Variants in MRPS7 observed in about 807,000 individuals in gnomAD.
The protein encoded by MRPS7 is small ribosomal subunit protein uS7m.
MRPS7 carries 13 observed loss-of-function variants against 26.2 expected under a neutral mutation model. The observed-to-expected ratio is 0.50, with a 90% CI of 0.32 to 0.79. The LOEUF is 0.79. MRPS7 is among the 30% of genes least tolerant of loss of function. MRPS7 has a pLI of 0.03. For synonymous variants in MRPS7, 129 were observed against 113.3 expected (o/e 1.14, Z -0.88); for missense variants, 318 against 312.2 (o/e 1.02, Z -0.14).
rs772064367 is a variant in MRPS7 at position 75,261,943 on chromosome 17, C to T, written c.43C>T (p.Leu15=). 2 of 1,608,630 alleles carry T rather than the reference C, an allele frequency of 1.2e-6. No homozygotes were observed. The highest frequency in any genetic ancestry group is 1.7e-6 in the Non-Finnish European group (2 of 1,179,884). The change falls in exon 1 of 5, where the codon CTG becomes TTG. Residue 15 remains leucine (L), a synonymous_variant. Transcript: ENST00000245539. The part of the protein sequence containing the change: ...AVKVARGWSG[L]ALGVRRAVLQ... ...GAAGGTTGCCCGAGGATGGTCGGGC[C>T]TGGCGTTGGGCGTGCGGCGGGCTGT...
In MRPS7 at chr17:75,262,632, C is replaced by T; in HGVS notation, c.219C>T (p.Leu73=). The change falls in exon 2 of 5, where the codon CTC becomes CTT. Residue 73 remains leucine, a synonymous_variant. Transcript: ENST00000245539. ...TTCGGGAGCTCAAGAAGACTCAGCT[C>T]ATCAAAGCTGCTCCAGCAGGGAAAA... ...KYVRELKKTQ[L]IKAAPAGKTS... 6.2e-7 allele frequency: 1 copy of T among 1,614,136 alleles called. No homozygotes were observed. The highest frequency in any genetic ancestry group is 8.5e-7 in the Non-Finnish European group (1 of 1,180,034).
At position 75,262,596 on chromosome 17, in the gene MRPS7, G is replaced by A. The variant is rs1430066399; in HGVS notation, c.183G>A (p.Glu61=). The change falls in exon 2 of 5, where the codon GAG becomes GAA. Residue 61 remains glutamate, a synonymous_variant. Coordinates refer to ENST00000245539, the MANE Select transcript of MRPS7 (RefSeq NM_015971.4). ...AGCCAGTGGAGGAGCTAACTGAGGA[G>A]GAGAAATATGTTCGGGAGCTCAAGA... The part of the protein sequence containing the change: ...YRKPVEELTE[E]EKYVRELKKT... 1.9e-6 allele frequency: 3 copies of A among 1,614,020 alleles called. No homozygotes were observed. Among genetic ancestry groups the A allele is most frequent in the African/African-American group, 1.3e-5 (1 of 74,932 alleles).
At chr17:75,262,346 A>G (rs761087734) in intron 1 of MRPS7, 151 bp from the exon 2 acceptor site, 2 of 845,224 alleles carry the variant, frequency 2.4e-6, no homozygotes, top group Non-Finnish European at 3.8e-6. Flanking sequence ...TACTTGGGAC[A>G]AGGGCCTGAA....
At chr17:75,263,545 A>G (rs772262920) in intron 4 of MRPS7, 38 bp downstream of exon 4, 2 of 1,611,682 alleles carry the variant, frequency 1.2e-6, no homozygotes, top group Non-Finnish European at 8.5e-7. Context: ...AGGGCCCTCC[A>G]CATGTGAAAC....
chr17:75,266,148 G>C lies in MRPS7; in HGVS notation c.*225G>C. On this transcript the variant is annotated 3_prime_UTR_variant, in exon 5 of 5. Coordinates refer to ENST00000245539, the MANE Select transcript of MRPS7 (RefSeq NM_015971.4). ...TTGTAAAGAGGGAGCACATTGACTT[G>C]GGAATTTCCTCCAGGAAACTCAGGG... The C allele has an allele frequency of 3.5e-6, 2 of 567,188 alleles. No homozygotes were observed. Among genetic ancestry groups the C allele is most frequent in the South Asian group, 2.1e-5 (1 of 47,518 alleles). 35.1% of individuals were successfully genotyped at this position (567,188 alleles called of 1,614,324 possible).
rs752232648 is a variant in MRPS7, at chr17:75,263,392, C to G, written c.392C>G (p.Ala131Gly). The G allele has an allele frequency of 9.3e-6, 15 of 1,613,992 alleles. No homozygotes were observed. The Admixed American group carries it at 1.0e-4, about 11-fold the overall frequency. The change falls in exon 4 of 5, where the codon GCA (alanine) becomes GGA (glycine). Residue 131 changes from alanine to glycine, a missense_variant. By Grantham distance (60) the Ala-to-Gly change is moderately conservative. Transcript: ENST00000245539. Reference protein sequence around the residue: ...KQFEKYHAASAEEQATIERNP... With the variant: ...KQFEKYHAASGEEQATIERNP... ...TTTGAGAAGTACCATGCCGCTTCTG[C>G]AGAGGAACAGGCAACCATCGAACGC...
intron 4 of MRPS7, chr17:75,264,239 A>G (rs2077452231): frequency 6.6e-6 from 1 of 152,076 alleles, no homozygotes; most frequent in South Asian, 2.1e-4. Context: ...TAGCGTAAAA[A>G]TTATAGGCAG....
chr17:75,262,803 G>A lies in MRPS7; in HGVS notation c.276-1G>A. ...TAAACGTGTTGCTTTTCTCTTTGAAGTAAATTCACCAACATGATGATGATA... is the reference window on the plus strand; with the variant it reads ...TAAACGTGTTGCTTTTCTCTTTGAAATAAATTCACCAACATGATGATGATA... On this transcript the variant is annotated splice_acceptor_variant, in intron 2 of 4. Transcript: ENST00000245539. LOFTEE classifies it high-confidence loss of function. 1 of 1,614,164 alleles carries A rather than the reference G, an allele frequency of 6.2e-7. No individual in the cohort carries two copies. The highest frequency in any genetic ancestry group is 1.3e-5 in the African/African-American group (1 of 75,034).
intron 3 of MRPS7, 47 bp downstream of exon 3, chr17:75,262,914 C>T (rs922780063): frequency 3.2e-6 from 5 of 1,572,664 alleles, no homozygotes; most frequent in Non-Finnish European, 3.5e-6. Flanking sequence ...CCCCCTACCC[C>T]GTAGCCTTGT....
intron 4 of MRPS7, among the ~76,000 whole-genome samples, chr17:75,264,855 T>C (rs945537156): frequency 2.0e-5 from 3 of 149,288 alleles, no homozygotes; most frequent in African/African-American, 7.4e-5. Flanking sequence ...GCCCAGCTAA[T>C]TTTTTTGTAT....
chr17:75,262,192 C>A, intron 1 of MRPS7: 1 of 683,864 alleles, frequency 1.5e-6, no homozygotes, highest in Non-Finnish European at 2.4e-6. Flanking sequence ...GGTTCTAACG[C>A]GGAGCTGAAA....
At chr17:75,262,289 A>T (rs779742131) in intron 1 of MRPS7, 1 of 667,396 alleles carries the variant, frequency 1.5e-6, no homozygotes. Context: ...TACCGTTAGC[A>T]CTTGACCAGG....
chr17:75,262,181 G>A, intron 1 of MRPS7, 198 bp downstream of exon 1: 1 of 697,826 alleles, frequency 1.4e-6, no homozygotes, highest in Admixed American at 2.9e-5. Context: ...GGCTGATCTA[G>A]GGTTCTAACG....
At chr17:75,263,118 C>T in intron 3 of MRPS7, 1 of 630,228 alleles carries the variant, frequency 1.6e-6, no homozygotes, top group South Asian at 2.1e-5. Flanking sequence ...CCATTCCCCA[C>T]CTCACCCCCC....
At position 75,262,513 on chromosome 17, in the gene MRPS7, T is replaced by C. The variant is rs1183158987; in HGVS notation, c.100T>C (p.Trp34Arg). ...CCCTCCCAGGCTAACTCAGGTGAGA[T>C]GGAGCCGCTATAGTCCTGAATTCAA... is the stretch of plus-strand genomic sequence containing the variant. ...LQLPGLTQVR[W>R]SRYSPEFKDP... The change falls in exon 2 of 5, where the codon TGG (tryptophan) becomes CGG (arginine). Residue 34 changes from tryptophan (W) to arginine (R), a missense_variant. Physicochemically the swap from Trp to Arg is moderately radical, Grantham distance 101 (BLOSUM62 -3). Transcript: ENST00000245539. 1 of 1,613,942 alleles carries C rather than the reference T, an allele frequency of 6.2e-7. No individual in the cohort carries two copies. Among genetic ancestry groups the C allele is most frequent in the African/African-American group, 1.3e-5 (1 of 74,942 alleles).
At chr17:75,264,772 C>T (rs1239872432) in intron 4 of MRPS7, among the ~76,000 whole-genome samples, 5 of 151,214 alleles carry the variant, frequency 3.3e-5, no homozygotes, top group Admixed American at 1.3e-4. Context: ...CTCCGCCTCC[C>T]GGGTTCAAGA....
intron 1 of MRPS7, 27 bp downstream of exon 1, chr17:75,262,010 G>C: frequency 7.5e-6 from 12 of 1,600,512 alleles, no homozygotes; most frequent in Non-Finnish European, 1.0e-5. Context: ...CAGCGGCGGG[G>C]GGGCGCTGCG....
chr17:75,265,340 CTTTT>C (rs564162139), intron 4 of MRPS7, among the ~76,000 whole-genome samples: 1 of 148,048 alleles, frequency 6.8e-6, no homozygotes, highest in African/African-American at 2.5e-5. Flanking sequence ...GCCTGGCCTT[CTTTT>C]TTTTTTAATA....
Position 75,261,946 on chromosome 17 carries a change from G to A in MRPS7, c.46G>A (p.Ala16Thr). The change falls in exon 1 of 5, where the codon GCG becomes ACG. Residue 16 changes from alanine to threonine, a missense_variant. Physicochemically the swap from Ala to Thr is moderately conservative, Grantham distance 58. Transcript: ENST00000245539. Reference sequence around the variant, plus strand: ...GGTTGCCCGAGGATGGTCGGGCCTGGCGTTGGGCGTGCGGCGGGCTGTCTT... The same window carrying A: ...GGTTGCCCGAGGATGGTCGGGCCTGACGTTGGGCGTGCGGCGGGCTGTCTT... ...VKVARGWSGLALGVRRAVLQL... is the reference protein window; with the variant it reads ...VKVARGWSGLTLGVRRAVLQL... The A allele has an allele frequency of 6.2e-7, 1 of 1,608,536 alleles. No homozygotes were observed. The highest frequency in any genetic ancestry group is 8.5e-7 in the Non-Finnish European group (1 of 1,179,894).
Sources: gnomAD v4.1 joint callset for allele counts (sites outside exome capture counted in the v4.1 genomes callset) on GRCh38, gnomAD v4.1.1 for gene constraint, MANE v1.5 for transcripts, NCBI Gene and HGNC (gene_info 2026-07-23, HGNC 2026-07-21) for gene names.